ANGPT1: variants seen among roughly 807,000 people sequenced by gnomAD.
The protein encoded by ANGPT1 is angiopoietin-1.
In ANGPT1, 17 loss-of-function variants were observed where a neutral mutation model predicts 62.2. That is an observed-to-expected ratio of 0.27 (90% CI 0.19 to 0.41). The LOEUF (loss-of-function observed/expected upper bound fraction) is 0.41, where lower values mean the gene tolerates loss of function less well. Among genes scored for constraint, ANGPT1 ranks in the 10% least tolerant of loss-of-function variants. The probability of loss-of-function intolerance (pLI) is 1.00; values close to 1 mark genes in which losing one functional copy is unlikely to be tolerated. For missense variants in ANGPT1, 478 were observed against 594.9 expected (o/e 0.80, Z 2.04); for synonymous variants, 199 against 198.9 (o/e 1.00, Z 0.00).
chr8:107,302,027 T>G (rs893143459), intron 5 of ANGPT1, among the ~76,000 whole-genome samples: 1 of 151,960 alleles, frequency 6.6e-6, no homozygotes, highest in Non-Finnish European at 1.5e-5. Flanking sequence ...TGATTTACTA[T>G]GCACTGCATG....
At chr8:107,400,370 G>C (rs1817020917) in intron 1 of ANGPT1, among the ~76,000 whole-genome samples, 1 of 152,124 alleles carries the variant, frequency 6.6e-6, no homozygotes, top group Non-Finnish European at 1.5e-5. Context: ...CTAGAACAAT[G>C]CCTTCCACAT....
At chr8:107,318,657 A>T (rs547565899) in intron 4 of ANGPT1, among the ~76,000 whole-genome samples, 1 of 152,118 alleles carries the variant, frequency 6.6e-6, no homozygotes, top group Non-Finnish European at 1.5e-5. Flanking sequence ...TTGTTTATGT[A>T]TGTATTTATT....
intron 1 of ANGPT1, among the ~76,000 whole-genome samples, chr8:107,467,791 T>C (rs151329441): frequency 6.6e-6 from 1 of 152,206 alleles, no homozygotes; most frequent in Non-Finnish European, 1.5e-5. Context: ...AAAATAGTCA[T>C]CCTAAAGTGC....
chr8:107,478,950 CA>C (rs1812604676), intron 1 of ANGPT1, among the ~76,000 whole-genome samples: 1 of 152,118 alleles, frequency 6.6e-6, no homozygotes, highest in African/African-American at 2.4e-5. Flanking sequence ...CTTGTTCACA[CA>C]ACATCTGGTG....
At chr8:107,433,687 CTTCAAACAT>C (rs543098236) in intron 1 of ANGPT1, among the ~76,000 whole-genome samples, 32 of 152,244 alleles carry the variant, frequency 2.1e-4, no homozygotes, top group Middle Eastern at 6.8e-3. Context: ...AGGACCAATC[CTTCAAACAT>C]TTCATTCTGT....
chr8:107,360,267 A>G (rs1816133912), intron 1 of ANGPT1, among the ~76,000 whole-genome samples: 1 of 152,186 alleles, frequency 6.6e-6, no homozygotes, highest in African/African-American at 2.4e-5. Flanking sequence ...GGATCAGCCA[A>G]TGAGGTAAGG....
At chr8:107,372,856 C>T (rs528476768) in intron 1 of ANGPT1, among the ~76,000 whole-genome samples, 3 of 151,520 alleles carry the variant, frequency 2.0e-5, no homozygotes, top group South Asian at 2.1e-4. Context: ...AAGACGTGAG[C>T]GTGACTAGAG....
At chr8:107,426,052 A>G (rs983017193) in intron 1 of ANGPT1, among the ~76,000 whole-genome samples, 1 of 152,216 alleles carries the variant, frequency 6.6e-6, no homozygotes. Flanking sequence ...AAGGAAAAAT[A>G]AAAGTTACTG....
At chr8:107,281,736 C>T (rs1178056264) in intron 7 of ANGPT1, among the ~76,000 whole-genome samples, 1 of 152,136 alleles carries the variant, frequency 6.6e-6, no homozygotes, top group African/African-American at 2.4e-5. Flanking sequence ...CGAGATCGCG[C>T]CATTGCACTC....
intron 6 of ANGPT1, among the ~76,000 whole-genome samples, chr8:107,292,082 T>G (rs1344492207): frequency 1.3e-5 from 2 of 152,144 alleles, no homozygotes; most frequent in Non-Finnish European, 2.9e-5. Context: ...AGCTTGAGAT[T>G]CGTGTTTCCA....
At chr8:107,465,477 A>G (rs1162525646) in intron 1 of ANGPT1, among the ~76,000 whole-genome samples, 1 of 152,168 alleles carries the variant, frequency 6.6e-6, no homozygotes, top group Non-Finnish European at 1.5e-5. Flanking sequence ...TTATATTTTC[A>G]TGCACTTTGA....
In ANGPT1 at chr8:107,352,922, T is replaced by C. The variant is rs143854175; in HGVS notation, c.298-5825A>G. ...CTAATCTCATTGTTCCATAAATCAA[T>C]GGCAATATTTAAAATGCAACTATAT... On this transcript the variant is annotated intron_variant, in intron 1 of 8. Coordinates refer to ENST00000517746, the MANE Select transcript of ANGPT1 (RefSeq NM_001146.5). Among the ~76,000 whole-genome samples the C allele has an allele frequency of 4.2e-3, 638 of 152,176 alleles. 3 individuals are homozygous for C. Among genetic ancestry groups the C allele is most frequent in the African/African-American group, 0.015 (616 of 41,516 alleles).
At chr8:107,281,784 A>G (rs1358804754) in intron 7 of ANGPT1, among the ~76,000 whole-genome samples, 2 of 152,194 alleles carry the variant, frequency 1.3e-5, no homozygotes, top group African/African-American at 4.8e-5. Context: ...GTCTCAAAAA[A>G]ACAATGTGTC....
rs753412026 is a variant in ANGPT1 at position 107,282,553 on chromosome 8, C to CATATATATAT, written c.1205+2119_1205+2128dup. ...TTATATATATATTACATATATGAAC[C>CATATATATAT]ATATATATATATATATATATATATA... On this transcript the variant is annotated intron_variant, in intron 7 of 8. Coordinates refer to ENST00000517746, the MANE Select transcript of ANGPT1 (RefSeq NM_001146.5). 6.6e-3 allele frequency among the ~76,000 whole-genome samples: 337 copies of CATATATATAT among 51,038 alleles called. 14 individuals are homozygous for CATATATATAT. Among genetic ancestry groups the CATATATATAT allele is most frequent in the Non-Finnish European group, 8.0e-3 (209 of 26,042 alleles). The allele number at this position is 51,038 out of a possible 152,430, so 33.5% of individuals were successfully genotyped here.
At chr8:107,262,937 T>C (rs770269172) in intron 8 of ANGPT1, among the ~76,000 whole-genome samples, 9 of 152,364 alleles carry the variant, frequency 5.9e-5, no homozygotes, top group Non-Finnish European at 1.2e-4. Flanking sequence ...CTCTTATTAA[T>C]ATGTAACAAT....
At chr8:107,291,798 T>C (rs1814282872) in intron 6 of ANGPT1, among the ~76,000 whole-genome samples, 1 of 147,694 alleles carries the variant, frequency 6.8e-6, no homozygotes, top group South Asian at 2.2e-4. Context: ...TAGAATCACC[T>C]AGGTAGGAAG....
At chr8:107,386,089 T>C (rs1361249783) in intron 1 of ANGPT1, among the ~76,000 whole-genome samples, 1 of 152,086 alleles carries the variant, frequency 6.6e-6, no homozygotes, top group Non-Finnish European at 1.5e-5. Context: ...TCCTGGCCTC[T>C]GCAACAACAT....
chr8:107,329,910 G>A (rs751397236), intron 3 of ANGPT1, among the ~76,000 whole-genome samples: 6 of 152,024 alleles, frequency 3.9e-5, no homozygotes, highest in African/African-American at 9.7e-5. Flanking sequence ...TGCACACACA[G>A]AAACATACAT....
At chr8:107,405,832 T>G (rs535414396) in intron 1 of ANGPT1, among the ~76,000 whole-genome samples, 4 of 152,036 alleles carry the variant, frequency 2.6e-5, no homozygotes, top group East Asian at 3.9e-4. Context: ...TTATTTAAAA[T>G]AAAACTGTAA....
Sources: allele counts gnomAD v4.1 joint callset (sites outside exome capture counted in the v4.1 genomes callset), GRCh38; gene constraint gnomAD v4.1.1; transcripts MANE v1.5; gene names NCBI Gene and HGNC (gene_info 2026-07-23, HGNC 2026-07-21).